Variants in NCOA2 observed in about 807,000 individuals in gnomAD.
NCOA2 encodes the protein class E basic helix-loop-helix protein 75.
NCOA2 carries 21 observed loss-of-function variants against 145.1 expected under a neutral mutation model. The ratio of observed to expected loss-of-function variants is 0.14; its 90% confidence interval spans 0.10 to 0.21. The LOEUF is 0.21. Among genes scored for constraint, NCOA2 ranks in the 10% least tolerant of loss-of-function variants. The pLI is 1.00. For missense variants in NCOA2, 1,472 were observed against 1,837.6 expected (o/e 0.80, Z 3.64); for synonymous variants, 619 against 637.5 (o/e 0.97, Z 0.44).
At chr8:70,283,233 C>G (rs750064277) in intron 2 of NCOA2, among the ~76,000 whole-genome samples, 3 of 152,246 alleles carry the variant, frequency 2.0e-5, no homozygotes, top group Non-Finnish European at 4.4e-5. Flanking sequence ...GGAATTTAAA[C>G]TTTGCCATCG....
chr8:70,112,099 T>C lies in NCOA2; in HGVS notation c.*1533A>G, dbSNP rs763323406. On this transcript the variant is annotated 3_prime_UTR_variant, in exon 23 of 23. Transcript: ENST00000452400. ...TTCTAAGGTTCATTAAGAAAGAATA[T>C]AAACATATAAAAATCAAGAATTGGT... 5 of 204,208 alleles carry C rather than the reference T, an allele frequency of 2.4e-5. No individual in the cohort carries two copies. The highest frequency in any genetic ancestry group is 5.0e-5 in the Non-Finnish European group (5 of 99,586). 12.6% of individuals were successfully genotyped at this position (204,208 alleles called of 1,614,324 possible).
intron 2 of NCOA2, among the ~76,000 whole-genome samples, chr8:70,260,140 T>G (rs749360869): frequency 2.0e-5 from 3 of 152,168 alleles, no homozygotes; most frequent in Non-Finnish European, 4.4e-5. Context: ...GCTGTCAATG[T>G]ATGAATATAT....
Position 70,128,413 on chromosome 8 carries a change from T to C in NCOA2, c.3681+20A>G, listed in dbSNP as rs371368535. 2.1e-5 allele frequency: 34 copies of C among 1,601,018 alleles called. No individual in the cohort carries two copies. The African/African-American group carries it at 2.4e-4, about 11-fold the overall frequency. The stretch of plus-strand genomic sequence containing the variant: ...GCTGCATGCATACAATGAAAGCTAA[T>C]GGCTGGTATGTTGCCTTACCTGTGT... On this transcript the variant is annotated intron_variant, in intron 18 of 22. Transcript: ENST00000452400.
At chr8:70,287,133 A>G (rs1204213714) in intron 2 of NCOA2, among the ~76,000 whole-genome samples, 2 of 152,088 alleles carry the variant, frequency 1.3e-5, no homozygotes, top group African/African-American at 2.4e-5. Context: ...AATCTCAGCT[A>G]ATCAGGACAC....
At chr8:70,199,535 G>A (rs1817678134) in intron 4 of NCOA2, among the ~76,000 whole-genome samples, 1 of 151,956 alleles carries the variant, frequency 6.6e-6, no homozygotes, top group Admixed American at 6.6e-5. Flanking sequence ...GGGAAGAAGA[G>A]CTGCCACCTC....
chr8:70,438,224 G>T, the NCOA2 span, among the ~76,000 whole-genome samples: 8 of 152,138 alleles, frequency 5.3e-5, no homozygotes, highest in South Asian at 2.1e-4. Flanking sequence ...ATTATTCAGA[G>T]AATTTCACTC....
At position 70,232,998 on chromosome 8, in the gene NCOA2, G is replaced by A. The variant is rs1192997313; in HGVS notation, c.-19-16234C>T. 3.9e-5 allele frequency among the ~76,000 whole-genome samples: 6 copies of A among 152,128 alleles called. No individual in the cohort carries two copies. In the East Asian group the frequency reaches 5.8e-4, roughly 15 times the overall value. ...TCCCAGCACTTTGGGAGGCCAAGGC[G>A]GGCAGATCACAAGGTCAAGAGATCA... is the stretch of plus-strand genomic sequence containing the variant. On this transcript the variant is annotated intron_variant, in intron 2 of 22. Coordinates refer to ENST00000452400, the MANE Select transcript of NCOA2 (RefSeq NM_006540.4).
chr8:70,252,012 A>T (rs1443427829), intron 2 of NCOA2, among the ~76,000 whole-genome samples: 1 of 152,200 alleles, frequency 6.6e-6, no homozygotes, highest in African/African-American at 2.4e-5. Flanking sequence ...CAGACTTTAA[A>T]TCATTTATAG....
chr8:70,412,115 CT>C, the NCOA2 span, among the ~76,000 whole-genome samples: 8 of 152,114 alleles, frequency 5.3e-5, no homozygotes, highest in African/African-American at 1.9e-4. Flanking sequence ...TTTAGCACAG[CT>C]GCTTCATAAA....
intron 1 of NCOA2, among the ~76,000 whole-genome samples, chr8:70,334,663 C>G (rs1218205496): frequency 6.6e-6 from 1 of 152,174 alleles, no homozygotes; most frequent in Non-Finnish European, 1.5e-5. Flanking sequence ...CAGCGCAGAG[C>G]ATTCCCTGAA....
intron 1 of NCOA2, among the ~76,000 whole-genome samples, chr8:70,353,815 G>A (rs1238112455): frequency 6.6e-6 from 1 of 152,088 alleles, no homozygotes; most frequent in Non-Finnish European, 1.5e-5. Flanking sequence ...CAGTGTCCTA[G>A]AATTGTTTGC....
intron 19 of NCOA2, among the ~76,000 whole-genome samples, chr8:70,126,015 T>C (rs1808374714): frequency 1.3e-5 from 2 of 152,212 alleles, no homozygotes; most frequent in Admixed American, 1.3e-4. Flanking sequence ...CTTAAGATCA[T>C]ATAGAAAAAG....
intron 2 of NCOA2, among the ~76,000 whole-genome samples, chr8:70,226,463 G>A (rs946923259): frequency 4.0e-5 from 6 of 151,878 alleles, no homozygotes; most frequent in African/African-American, 1.2e-4. Context: ...CAACAACTGA[G>A]GGAAACCTAT....
chr8:70,126,813 C>T lies in NCOA2; in HGVS notation c.3916G>A (p.Gly1306Arg). Residue 1306 changes from glycine (G) to arginine (R), a missense_variant and splice_region_variant, in exon 19 of 23, where the codon GGA (glycine) becomes AGA (arginine). Physicochemically the swap from Gly to Arg is moderately radical, Grantham distance 125. Coordinates refer to ENST00000452400, the MANE Select transcript of NCOA2 (RefSeq NM_006540.4). ...GGTGGTGGGGATCTAAGTCCAGTAC[C>T]GTAGTTTGGAGGAAATGGAAACTGC... ...AQQFPFPPNYGISQQPDPGFT... is the reference protein window; with the variant it reads ...AQQFPFPPNYRISQQPDPGFT... The T allele has an allele frequency of 1.9e-6, 3 of 1,613,208 alleles. No individual in the cohort carries two copies. The highest frequency in any genetic ancestry group is 2.5e-6 in the Non-Finnish European group (3 of 1,179,364).
chr8:70,441,808 G>C, the NCOA2 span, among the ~76,000 whole-genome samples: 1 of 68,072 alleles, frequency 1.5e-5, no homozygotes, highest in Non-Finnish European at 3.1e-5. Flanking sequence ...AAGAAAGAAA[G>C]AAAGAAAGAA....
At chr8:70,452,433 A>C in the NCOA2 span, among the ~76,000 whole-genome samples, 2 of 152,214 alleles carry the variant, frequency 1.3e-5, no homozygotes, top group Non-Finnish European at 2.9e-5. Flanking sequence ...AAAAAGAGAA[A>C]ATAACAAGAC....
At chr8:70,446,960 A>G in the NCOA2 span, among the ~76,000 whole-genome samples, 156 of 152,304 alleles carry the variant, frequency 1.0e-3, no homozygotes, top group East Asian at 0.029. Flanking sequence ...GGCTTCCTGA[A>G]ATGTTTTCGC....
intron 6 of NCOA2, among the ~76,000 whole-genome samples, chr8:70,169,890 A>AATCATCATCATCATC (rs56144437): frequency 2.4e-4 from 36 of 150,186 alleles, no homozygotes; most frequent in East Asian, 7.9e-4. Flanking sequence ...TGCCAAGCAA[A>AATCATCATCATCATC]ATCATCATCA....
chr8:70,226,129 A>T (rs1335380581), intron 2 of NCOA2, among the ~76,000 whole-genome samples: 1 of 152,206 alleles, frequency 6.6e-6, no homozygotes, highest in South Asian at 2.1e-4. Flanking sequence ...AATTTAAAAC[A>T]GAAAAGTTAT....
Sources: allele counts gnomAD v4.1 joint callset (sites outside exome capture counted in the v4.1 genomes callset), GRCh38; gene constraint gnomAD v4.1.1; transcripts MANE v1.5; gene names NCBI Gene and HGNC (gene_info 2026-07-23, HGNC 2026-07-21).